The following WBP11 variants were observed in gnomAD, a reference collection of about 807,000 sequenced individuals.
The protein encoded by WBP11 is WW domain-binding protein 11.
WBP11 carries 12 observed loss-of-function variants against 66.7 expected under a neutral mutation model. The observed-to-expected ratio is 0.18, with a 90% confidence interval of 0.12 to 0.29. The LOEUF (loss-of-function observed/expected upper bound fraction) is 0.29, where lower values mean the gene tolerates loss of function less well. Among genes scored for constraint, WBP11 ranks in the 10% least tolerant of loss-of-function variants. The pLI is 1.00. For missense variants in WBP11, 555 were observed against 818.3 expected (o/e 0.68, Z 3.93); for synonymous variants, 255 against 273.8 (o/e 0.93, Z 0.68).
At chr12:14,788,720 A>G (rs1565671298) in intron 11 of WBP11, among the ~76,000 whole-genome samples, 1 of 152,240 alleles carries the variant, frequency 6.6e-6, no homozygotes, top group Non-Finnish European at 1.5e-5. Context: ...CCAAAAAATT[A>G]TCAAATAGAG....
chr12:14,790,199 C>T (rs1400819025), intron 10 of WBP11, among the ~76,000 whole-genome samples: 1 of 152,214 alleles, frequency 6.6e-6, no homozygotes, highest in African/African-American at 2.4e-5. Flanking sequence ...GTTCAAGTTT[C>T]TGTCTGCTGT....
chr12:14,796,913 C>A lies in WBP11; in HGVS notation c.281G>T (p.Arg94Leu). The A allele has an allele frequency of 6.2e-7, 1 of 1,611,538 alleles. No individual in the cohort carries two copies. Among genetic ancestry groups the A allele is most frequent in the South Asian group, 1.1e-5 (1 of 90,612 alleles). The change falls in exon 5 of 12, where the codon CGA (arginine) becomes CTA (leucine). Residue 94 changes from arginine to leucine, a missense_variant. Arg to Leu is a moderately radical substitution (Grantham distance 102). Around this residue, in one of 6 missense-constraint regions of WBP11, gnomAD observed 43 missense variants for 142.1 expected, o/e 0.30. Transcript: ENST00000261167. This position sits in a 1 kb window ranked among gnomAD's most constrained non-coding sequence, Gnocchi z 4.5. ...KLRETFERIL[R>L]LYEKENPDIY... ...ATCTGGATTCTCTTTTTCATAGAGTCGTAGAATACGTTCAAAGGTTTCACG... is the reference window on the plus strand; with the variant it reads ...ATCTGGATTCTCTTTTTCATAGAGTAGTAGAATACGTTCAAAGGTTTCACG...
chr12:14,797,258 T>C (rs1949904219), intron 4 of WBP11, among the ~76,000 whole-genome samples: 1 of 152,206 alleles, frequency 6.6e-6, no homozygotes, highest in South Asian at 2.1e-4. Context: ...TAAAAATCAA[T>C]TTTCACTGCT....
At position 14,787,381 on chromosome 12, in the gene WBP11, G is replaced by A; in HGVS notation, c.1610C>T (p.Pro537Leu). The A allele has an allele frequency of 6.3e-7, 1 of 1,599,858 alleles. No homozygotes were observed. The highest frequency in any genetic ancestry group is 1.1e-5 in the South Asian group (1 of 89,264). The change falls in exon 12 of 12, where the codon CCA becomes CTA. Residue 537 changes from proline to leucine, a missense_variant. Pro to Leu is a moderately conservative substitution (Grantham distance 98, BLOSUM62 -3). Around this residue, in one of 6 missense-constraint regions of WBP11, gnomAD observed 230 missense variants for 286.3 expected, o/e 0.80. Coordinates refer to ENST00000261167, the MANE Select transcript of WBP11 (RefSeq NM_016312.3). ...PLPNPGVLSA[P>L]PNLIQRPKAD... ...CTTGGGTCGCTGAATCAAGTTGGGT[G>A]GGGCACTTAAAACCCCAGGGTTTGG...
At chr12:14,798,844 A>T (rs1342714385) in intron 4 of WBP11, among the ~76,000 whole-genome samples, 1 of 152,222 alleles carries the variant, frequency 6.6e-6, no homozygotes, top group Non-Finnish European at 1.5e-5. Flanking sequence ...CAGAAACTTG[A>T]CAGGTGAAAA....
At chr12:14,791,640 A>G (rs1166810542) in intron 8 of WBP11, among the ~76,000 whole-genome samples, 4 of 152,240 alleles carry the variant, frequency 2.6e-5, no homozygotes, top group African/African-American at 9.7e-5. Flanking sequence ...TAGCCTAACC[A>G]TGATACCAAA....
intron 8 of WBP11, among the ~76,000 whole-genome samples, 165 bp downstream of exon 8, chr12:14,793,562 GTACT>G (rs914444461): frequency 7.9e-5 from 12 of 152,226 alleles, no homozygotes; most frequent in South Asian, 4.1e-4. Context: ...CATCCACTGA[GTACT>G]TACTGTGTCA....
At position 14,799,577 on chromosome 12, in the gene WBP11, T is replaced by A. The variant is rs1949934923; in HGVS notation, c.190+58A>T. ...CTTACGCCTATGCTGCTTCACTCGT[T>A]ACCTGCCTGCCTCTGTACGTGTCAG... On this transcript the variant is annotated intron_variant, in intron 4 of 11. Coordinates refer to ENST00000261167, the MANE Select transcript of WBP11 (RefSeq NM_016312.3). 2.0e-6 allele frequency: 3 copies of A among 1,531,130 alleles called. No individual in the cohort carries two copies. In the Admixed American group the frequency reaches 5.4e-5, roughly 28 times the overall value. The allele number at this position is 1,531,130 out of a possible 1,614,324, so 94.8% of individuals were successfully genotyped here.
At chr12:14,801,675 C>T (rs988087398) in intron 1 of WBP11, among the ~76,000 whole-genome samples, 2 of 152,170 alleles carry the variant, frequency 1.3e-5, no homozygotes, top group African/African-American at 4.8e-5. Context: ...CTCAAGTCAT[C>T]AGTTTAGCTT....
chr12:14,788,871 A>C, intron 11 of WBP11, 80 bp downstream of exon 11: 1 of 771,180 alleles, frequency 1.3e-6, no homozygotes. Flanking sequence ...ATTTCAGAAT[A>C]CTGAAATGTG....
intron 4 of WBP11, among the ~76,000 whole-genome samples, chr12:14,797,925 G>A (rs919609888): frequency 1.1e-4 from 16 of 152,150 alleles, no homozygotes; most frequent in Non-Finnish European, 1.2e-4. Context: ...CTGATGATGA[G>A]ACTGGATTTT....
chr12:14,799,810 A>G (rs544142310), intron 3 of WBP11, 82 bp from the exon 4 acceptor site: 278 of 1,321,700 alleles, frequency 2.1e-4, no homozygotes, highest in Middle Eastern at 1.9e-4. Context: ...TCTAAACAGA[A>G]TAACTCCTTG....
intron 7 of WBP11, among the ~76,000 whole-genome samples, chr12:14,794,307 A>AGT (rs1949862069): frequency 6.6e-6 from 1 of 152,210 alleles, no homozygotes; most frequent in African/African-American, 2.4e-5. Context: ...TAGCAGCAAG[A>AGT]GTGACATCTC....
At chr12:14,787,904 G>A (rs1196673108) in intron 11 of WBP11, among the ~76,000 whole-genome samples, 1 of 152,122 alleles carries the variant, frequency 6.6e-6, no homozygotes, top group Non-Finnish European at 1.5e-5. Flanking sequence ...GCACAAAAAG[G>A]TCAATGGGCA....
In WBP11 at chr12:14,801,284, C is replaced by A. The variant is rs751346767; in HGVS notation, c.64+36G>T. The A allele has an allele frequency of 1.9e-6, 3 of 1,606,616 alleles. No homozygotes were observed. The Admixed American group carries it at 5.0e-5, about 27-fold the overall frequency. ...CCTAATATTTGCAATTTTTAACACT[C>A]TCCTACTTCATCATTCCACACTAAT... is the stretch of plus-strand genomic sequence containing the variant. On this transcript the variant is annotated intron_variant, in intron 2 of 11. Coordinates refer to ENST00000261167, the MANE Select transcript of WBP11 (RefSeq NM_016312.3).
rs2137224494 is a variant in WBP11, at chr12:14,785,262, C to T, written c.*1803G>A. The stretch of plus-strand genomic sequence containing the variant: ...TGCAGCCTGGGCAACAGAGTTAGAA[C>T]CTGTCTCCATGGAAAAATGATAAAA... On this transcript the variant is annotated 3_prime_UTR_variant, in exon 12 of 12. Transcript: ENST00000261167. The T allele has an allele frequency of 6.6e-6, 1 of 152,240 alleles. No homozygotes were observed. The highest frequency in any genetic ancestry group is 2.1e-4 in the South Asian group (1 of 4,818). The allele number at this position is 152,240 out of a possible 1,614,324, so 9.4% of individuals were successfully genotyped here.
At position 14,793,860 on chromosome 12, in the gene WBP11, T is replaced by C. The variant is rs946553538; in HGVS notation, c.784A>G (p.Met262Val). 1.1e-5 allele frequency: 17 copies of C among 1,613,988 alleles called. No homozygotes were observed. Among genetic ancestry groups the C allele is most frequent in the African/African-American group, 2.7e-5 (2 of 74,920 alleles). The change falls in exon 8 of 12, where the codon ATG (methionine) becomes GTG (valine). Residue 262 changes from methionine to valine, a missense_variant. Physicochemically the swap from Met to Val is conservative, Grantham distance 21. This residue lies in a region of WBP11 where 220 missense variants were observed against 268.2 expected (regional missense o/e 0.82). Coordinates refer to ENST00000261167, the MANE Select transcript of WBP11 (RefSeq NM_016312.3). ...CTGTCATCATGCTTATCTTGATCCA[T>C]GTCCTCAGGATAGCCATCATCTTCA... ...TSEDDGYPED[M>V]DQDKHDDSTD... is the part of the protein sequence containing the mutation.
At chr12:14,803,298 G>A (rs1187845523) in intron 1 of WBP11, 54 bp downstream of exon 1, 5 of 396,416 alleles carry the variant, frequency 1.3e-5, no homozygotes, top group Non-Finnish European at 1.8e-5. Flanking sequence ...TGCGCGGGAC[G>A]TGGAAGGGAC....
At chr12:14,794,948 T>C (rs1465403037) in intron 6 of WBP11, 23 bp downstream of exon 6, 1 of 1,612,150 alleles carries the variant, frequency 6.2e-7, no homozygotes, top group South Asian at 1.1e-5. Context: ...AAATGCTCTC[T>C]GATTGTGACA....
Sources: allele counts gnomAD v4.1 joint callset (sites outside exome capture counted in the v4.1 genomes callset), GRCh38; gene constraint gnomAD v4.1.1; regional missense constraint gnomAD v4.1.1; non-coding constraint Gnocchi (gnomAD v3.1); transcripts MANE v1.5; gene names NCBI Gene and HGNC (gene_info 2026-07-23, HGNC 2026-07-21).